The following PCDH15 variants were observed in gnomAD, a reference collection of about 807,000 sequenced individuals.
The protein encoded by PCDH15 is protocadherin-15.
Under a neutral mutation model 178.5 loss-of-function variants are expected in PCDH15, and 129 were observed. The ratio of observed to expected loss-of-function variants is 0.72; its 90% CI spans 0.63 to 0.84. The LOEUF (loss-of-function observed/expected upper bound fraction) is 0.84. PCDH15 is among the 40% of genes least tolerant of loss of function. The pLI is 0.00. For missense variants in PCDH15, 2,230 were observed against 2,099.9 expected, an observed-to-expected ratio of 1.06 and a Z score of -1.21; for synonymous variants, 800 against 732.0, an observed-to-expected ratio of 1.09 and a Z score of -1.50.
At chr10:55,011,351 A>G (rs916254524) in intron 2 of PCDH15, among the ~76,000 whole-genome samples, 2 of 152,150 alleles carry the variant, frequency 1.3e-5, no homozygotes, top group Non-Finnish European at 2.9e-5. Context: ...GCTTAAAGCA[A>G]AGCTGCTTAA....
intron 2 of PCDH15, among the ~76,000 whole-genome samples, chr10:54,565,938 G>T (rs1027684494): frequency 2.6e-5 from 4 of 152,188 alleles, no homozygotes; most frequent in Middle Eastern, 3.4e-3. Flanking sequence ...TACAAAATTA[G>T]CCAGGTGTGG....
In PCDH15 at chr10:54,664,217, T is replaced by C; in HGVS notation, c.46A>G (p.Ile16Val). The C allele has an allele frequency of 3.1e-6, 5 of 1,612,358 alleles. No individual in the cohort carries two copies. Among genetic ancestry groups the C allele is most frequent in the Non-Finnish European group, 4.2e-6 (5 of 1,178,894 alleles). Reference sequence around the variant, plus strand: ...CAGATTTCAAAGAGAGAGCCCAGGATGATCCCTGAAGCTAAACATGTCCAG... The same window carrying C: ...CAGATTTCAAAGAGAGAGCCCAGGACGATCCCTGAAGCTAAACATGTCCAG... ...YLWTCLASGIILGSLFEICLG... is the reference protein window; with the variant it reads ...YLWTCLASGIVLGSLFEICLG... The change falls in exon 2 of 38, where the codon ATC (isoleucine) becomes GTC (valine). Residue 16 changes from isoleucine to valine, a missense_variant. Transcript: ENST00000644397.
At chr10:54,643,072 G>A (rs2094030142) in intron 2 of PCDH15, among the ~76,000 whole-genome samples, 1 of 152,200 alleles carries the variant, frequency 6.6e-6, no homozygotes, top group African/African-American at 2.4e-5. Context: ...ACAGGTGCCT[G>A]CCAGCACGCC....
At chr10:54,302,871 T>G (rs139545052) in intron 8 of PCDH15, among the ~76,000 whole-genome samples, 2 of 152,258 alleles carry the variant, frequency 1.3e-5, no homozygotes, top group African/African-American at 4.8e-5. Context: ...AAAGGCCTCT[T>G]ATCATGATGT....
At chr10:54,484,015 C>A (rs1363418746) in intron 3 of PCDH15, among the ~76,000 whole-genome samples, 4 of 151,728 alleles carry the variant, frequency 2.6e-5, no homozygotes, top group African/African-American at 9.7e-5. Flanking sequence ...TCCCACTGTC[C>A]AAAACTAATT....
intron 17 of PCDH15, among the ~76,000 whole-genome samples, chr10:54,077,779 C>T (rs556480067): frequency 6.6e-6 from 1 of 152,196 alleles, no homozygotes; most frequent in South Asian, 2.1e-4. Context: ...TAATTTAGGG[C>T]AGGCTGGGCG....
At chr10:55,562,065 A>C (rs1215449474) in intron 2 of PCDH15, among the ~76,000 whole-genome samples, 2 of 151,966 alleles carry the variant, frequency 1.3e-5, no homozygotes, top group South Asian at 4.1e-4. Flanking sequence ...TTTCTGTCAT[A>C]TTTTCAATTC....
rs1186240206 is a variant in PCDH15 at position 54,198,495 on chromosome 10, C to CTTTTTTTTTTTTTTTTTTTTTTTT, written c.1099-2630_1099-2607dup. On this transcript the variant is annotated intron_variant, in intron 10 of 37. Transcript: ENST00000644397. ...CATCTTTCTTTAATATCTAATTATT[C>CTTTTTTTTTTTTTTTTTTTTTTTT]TTTTTTTTTTTTTTTTTTTTTTTTG... Among the ~76,000 whole-genome samples the CTTTTTTTTTTTTTTTTTTTTTTTT allele has an allele frequency of 1.3e-4, 4 of 31,172 alleles. 2 individuals are homozygous for CTTTTTTTTTTTTTTTTTTTTTTTT. Among genetic ancestry groups the CTTTTTTTTTTTTTTTTTTTTTTTT allele is most frequent in the Non-Finnish European group, 1.8e-4 (4 of 22,750 alleles). 20.5% of individuals were successfully genotyped at this position (31,172 alleles called of 152,430 possible). A position where few individuals can be genotyped will look rare whatever the true frequency, so the allele number is the denominator to read the frequency against.
intron 2 of PCDH15, among the ~76,000 whole-genome samples, chr10:55,402,870 C>T (rs1325253870): frequency 6.6e-6 from 1 of 151,834 alleles, no homozygotes; most frequent in Non-Finnish European, 1.5e-5. Flanking sequence ...TATGGTAGTT[C>T]TATTTTTAGA....
chr10:54,696,371 T>A (rs941346814), intron 1 of PCDH15, among the ~76,000 whole-genome samples: 2 of 152,090 alleles, frequency 1.3e-5, no homozygotes, highest in Admixed American at 1.3e-4. Context: ...GAGCAACTGT[T>A]TTGTGTGGAT....
At chr10:54,838,729 G>T (rs1023891935) in intron 3 of PCDH15, among the ~76,000 whole-genome samples, 1 of 152,056 alleles carries the variant, frequency 6.6e-6, no homozygotes, top group African/African-American at 2.4e-5. Context: ...GAGGTATGTC[G>T]CTTTGTGTAC....
intron 28 of PCDH15, among the ~76,000 whole-genome samples, chr10:53,855,920 A>ATATATATATATATGTGTGTGTGTGTG (rs1201156130): frequency 2.1e-5 from 3 of 140,378 alleles, no homozygotes; most frequent in Non-Finnish European, 4.6e-5. Context: ...ATATATATAT[A>ATATATATATATATGTGTGTGTGTGTG]TGTATGTGTG....
At chr10:54,021,104 A>G (rs2135294449) in intron 19 of PCDH15, among the ~76,000 whole-genome samples, 1 of 152,174 alleles carries the variant, frequency 6.6e-6, no homozygotes, top group South Asian at 2.1e-4. Flanking sequence ...AAATACTAAA[A>G]TAGAAAGGAA....
intron 13 of PCDH15, among the ~76,000 whole-genome samples, chr10:54,163,242 C>A (rs939523973): frequency 6.6e-6 from 1 of 152,096 alleles, no homozygotes; most frequent in African/African-American, 2.4e-5. Context: ...TATTTTCACA[C>A]TGCTATAAGG....
chr10:55,513,395 T>C (rs1047683341), intron 2 of PCDH15, among the ~76,000 whole-genome samples: 2 of 152,120 alleles, frequency 1.3e-5, no homozygotes, highest in Non-Finnish European at 2.9e-5. Context: ...CTAGTATTGA[T>C]TATGCCTTTT....
chr10:55,531,135 T>C lies in PCDH15; in HGVS notation c.-156+96490A>G, dbSNP rs1589115222. 3.9e-5 allele frequency among the ~76,000 whole-genome samples: 6 copies of C among 152,148 alleles called. No homozygotes were observed. In the South Asian group the frequency reaches 1.0e-3, roughly 26 times the overall value. ...GTTACTAACTGGAGTGTTTTAGCTA[T>C]TTTTAAATTTATTGAATTACAATTT... On this transcript the variant is annotated intron_variant, in intron 2 of 5. Transcript: ENST00000613346.
intron 2 of PCDH15, among the ~76,000 whole-genome samples, chr10:55,376,497 T>C (rs1837396909): frequency 6.6e-6 from 1 of 152,116 alleles, no homozygotes; most frequent in African/African-American, 2.4e-5. Flanking sequence ...CCAGAAGTAT[T>C]TATCTGGCTT....
chr10:54,523,524 G>A (rs1417186687), intron 3 of PCDH15, among the ~76,000 whole-genome samples: 1 of 152,074 alleles, frequency 6.6e-6, no homozygotes, highest in Non-Finnish European at 1.5e-5. Flanking sequence ...TGAAGGGATA[G>A]CAAGTACTTT....
At chr10:55,172,134 T>C (rs1025287958) in intron 1 of PCDH15, among the ~76,000 whole-genome samples, 2 of 151,866 alleles carry the variant, frequency 1.3e-5, no homozygotes, top group African/African-American at 4.8e-5. Flanking sequence ...CTCAACACCA[T>C]AAATAATATA....
Sources: allele counts gnomAD v4.1 joint callset (sites outside exome capture counted in the v4.1 genomes callset), GRCh38; gene constraint gnomAD v4.1.1; transcripts MANE v1.5; gene names NCBI Gene and HGNC (gene_info 2026-07-23, HGNC 2026-07-21).